FNBP1: variants seen among roughly 807,000 people sequenced by gnomAD.
FNBP1 encodes formin binding protein 1, also known as formin-binding protein 1.
A neutral mutation model predicts 90.6 loss-of-function variants in FNBP1; 26 were observed. The observed-to-expected ratio is 0.29, with a 90% CI of 0.21 to 0.40. FNBP1 has a LOEUF of 0.40. Among genes scored for constraint, FNBP1 ranks in the 10% least tolerant of loss-of-function variants. The pLI is 1.00. For synonymous variants in FNBP1, 260 were observed against 265.2 expected (o/e 0.98, Z 0.19); for missense variants, 635 against 768.0 (o/e 0.83, Z 2.05).
At chr9:129,967,898 G>T (rs1588952581) in intron 4 of FNBP1, among the ~76,000 whole-genome samples, 1 of 151,966 alleles carries the variant, frequency 6.6e-6, no homozygotes, top group Non-Finnish European at 1.5e-5. Context: ...TTGGGGGGTG[G>T]ATCTCACTAT....
At chr9:129,895,813 TGG>T (rs1588338979) in intron 16 of FNBP1, 23 bp downstream of exon 16, 1 of 1,501,440 alleles carries the variant, frequency 6.7e-7, no homozygotes, top group African/African-American at 1.4e-5. Flanking sequence ...TTTTTTTTTA[TGG>T]TATTAAATAT....
chr9:129,976,119 A>G (rs973879909), intron 4 of FNBP1, among the ~76,000 whole-genome samples: 4 of 152,104 alleles, frequency 2.6e-5, no homozygotes, highest in African/African-American at 9.7e-5. Flanking sequence ...TTCTGTCACT[A>G]AAGAAATCTT....
intron 6 of FNBP1, among the ~76,000 whole-genome samples, chr9:129,940,746 C>G (rs2044202421): frequency 6.6e-6 from 1 of 152,028 alleles, no homozygotes; most frequent in African/African-American, 2.4e-5. Flanking sequence ...CCTGCCTCAG[C>G]CTCCTGAGTA....
chr9:129,891,278 A>G (rs1021882814), intron 16 of FNBP1, among the ~76,000 whole-genome samples: 2 of 152,134 alleles, frequency 1.3e-5, no homozygotes, highest in African/African-American at 4.8e-5. Flanking sequence ...GGGCCACAAC[A>G]TAGCCAGACC....
intron 16 of FNBP1, among the ~76,000 whole-genome samples, chr9:129,892,414 C>CACACACACACACACACACACACACACAA: frequency 8.0e-6 from 1 of 125,324 alleles, no homozygotes; most frequent in East Asian, 2.2e-4. Context: ...CACACACACA[C>CACACACACACACACACACACACACACAA]ACAAAAAGGT....
At chr9:130,004,703 A>G (rs184755414) in intron 1 of FNBP1, among the ~76,000 whole-genome samples, 1 of 152,328 alleles carries the variant, frequency 6.6e-6, no homozygotes, top group Non-Finnish European at 1.5e-5. Context: ...TCCATTTAAA[A>G]TGTTTTAAAA....
At chr9:129,921,610 A>T (rs1484250310) in intron 10 of FNBP1, among the ~76,000 whole-genome samples, 2 of 151,972 alleles carry the variant, frequency 1.3e-5, no homozygotes, top group African/African-American at 2.4e-5. Context: ...ACGGGGTTTC[A>T]CCATGTTGGT....
upstream of FNBP1, chr9:130,045,061 T>C (rs1276438354): frequency 6.6e-6 from 1 of 152,210 alleles, no homozygotes; most frequent in Non-Finnish European, 1.5e-5. Context: ...GCAGTTACAA[T>C]AAATTTAAGT....
chr9:129,971,293 G>A (rs1403541886), intron 4 of FNBP1, among the ~76,000 whole-genome samples: 4 of 152,022 alleles, frequency 2.6e-5, no homozygotes, highest in East Asian at 1.9e-4. Context: ...AATGAACTGC[G>A]TTGTGATACA....
chr9:129,958,783 C>T (rs987118862), intron 4 of FNBP1, among the ~76,000 whole-genome samples: 1 of 151,414 alleles, frequency 6.6e-6, no homozygotes, highest in Non-Finnish European at 1.5e-5. Context: ...GAGTTCAAGA[C>T]AGCCTGGGCA....
chr9:129,988,661 A>G (rs1178946642), intron 2 of FNBP1, among the ~76,000 whole-genome samples: 1 of 152,184 alleles, frequency 6.6e-6, no homozygotes, highest in Non-Finnish European at 1.5e-5. Flanking sequence ...TGGGTGACAG[A>G]GCGAGACTCC....
rs1260140216 is a variant in FNBP1, at chr9:129,889,527, G to C, written c.*1012C>G. 1 of 191,840 alleles carries C rather than the reference G, an allele frequency of 5.2e-6. No homozygotes were observed. Among genetic ancestry groups the C allele is most frequent in the Non-Finnish European group, 1.1e-5 (1 of 93,606 alleles). 11.9% of individuals were successfully genotyped at this position (191,840 alleles called of 1,614,324 possible). On this transcript the variant is annotated 3_prime_UTR_variant, in exon 17 of 17. Transcript: ENST00000446176. The stretch of plus-strand genomic sequence containing the variant: ...GGAGGTTGTAGTGAGCCGAGATCAT[G>C]CCACTGCACTCCAGTCTGAACAATA...
chr9:130,034,285 C>A (rs2059103170), intron 1 of FNBP1, among the ~76,000 whole-genome samples: 1 of 149,440 alleles, frequency 6.7e-6, no homozygotes, highest in South Asian at 2.1e-4. Flanking sequence ...TGCACTCCAG[C>A]CTGGGCGACA....
chr9:129,959,666 G>A (rs1016468269), intron 4 of FNBP1, among the ~76,000 whole-genome samples: 2 of 152,100 alleles, frequency 1.3e-5, no homozygotes, highest in Admixed American at 1.3e-4. Context: ...TTAAGACAGC[G>A]ATCGCTTCAT....
chr9:129,913,773 A>G (rs903707974), intron 11 of FNBP1, among the ~76,000 whole-genome samples: 2 of 152,076 alleles, frequency 1.3e-5, no homozygotes, highest in Admixed American at 6.6e-5. Context: ...TCTGTCTCCT[A>G]AAAGAAAAAA....
chr9:129,957,072 T>C lies in FNBP1; in HGVS notation c.513+288A>G, dbSNP rs958519588. Among the ~76,000 whole-genome samples, 1 of 150,996 alleles carries C rather than the reference T, an allele frequency of 6.6e-6. No homozygotes were observed. The highest frequency in any genetic ancestry group is 2.0e-4 in the East Asian group (1 of 5,122). On this transcript the variant is annotated intron_variant, in intron 6 of 16. Coordinates refer to ENST00000446176, the MANE Select transcript of FNBP1 (RefSeq NM_015033.3). This position sits in a 1 kb window ranked among gnomAD's most constrained non-coding sequence, Gnocchi z 4.3. The stretch of plus-strand genomic sequence containing the variant: ...TTTTTTTTTGGCGATAGTTTCGCTC[T>C]TGTTACCCAGGCTGGAGTGCAGTGG...
At chr9:129,921,533 A>C (rs895898096) in intron 10 of FNBP1, among the ~76,000 whole-genome samples, 3 of 151,850 alleles carry the variant, frequency 2.0e-5, no homozygotes, top group Non-Finnish European at 4.4e-5. Flanking sequence ...AGCTGGGATT[A>C]CAGGCACCCG....
At chr9:130,009,569 A>G (rs1346382400) in intron 1 of FNBP1, among the ~76,000 whole-genome samples, 1 of 152,084 alleles carries the variant, frequency 6.6e-6, no homozygotes, top group Non-Finnish European at 1.5e-5. Flanking sequence ...TCAGGAGACC[A>G]AGGCGGGCGG....
At chr9:129,908,536 T>G (rs2038611697) in intron 12 of FNBP1, among the ~76,000 whole-genome samples, 1 of 149,602 alleles carries the variant, frequency 6.7e-6, no homozygotes, top group Non-Finnish European at 1.5e-5. Flanking sequence ...TTAATTTTTA[T>G]TTTATTTTTA....
Sources: gnomAD v4.1 joint callset for allele counts (sites outside exome capture counted in the v4.1 genomes callset) on GRCh38, gnomAD v4.1.1 for gene constraint, Gnocchi (gnomAD v3.1) non-coding constraint, MANE v1.5 for transcripts, NCBI Gene and HGNC (gene_info 2026-07-23, HGNC 2026-07-21) for gene names.